OTUD7A: variants seen among roughly 807,000 people sequenced by gnomAD.
OTUD7A encodes OTU deubiquitinase 7A.
Under a neutral mutation model 65.7 loss-of-function variants are expected in OTUD7A, and 12 were observed. The observed-to-expected ratio is 0.18, with a 90% CI of 0.12 to 0.30. The LOEUF (loss-of-function observed/expected upper bound fraction) is 0.30. Among genes scored for constraint, OTUD7A ranks in the 10% least tolerant of loss-of-function variants. The probability of loss-of-function intolerance (pLI) is 1.00; values close to 1 mark genes in which losing one functional copy is unlikely to be tolerated. For synonymous variants in OTUD7A, 641 were observed against 586.3 expected (o/e 1.09, Z -1.35); for missense variants, 1,148 against 1,304.8 (o/e 0.88, Z 1.85).
At chr15:31,644,243 A>C (rs1157669718) in intron 3 of OTUD7A, among the ~76,000 whole-genome samples, 1 of 152,134 alleles carries the variant, frequency 6.6e-6, no homozygotes, top group Non-Finnish European at 1.5e-5. Context: ...CTTGCATTTC[A>C]CTGCTGAATG....
At chr15:31,844,678 C>T (rs1353414631) in intron 1 of OTUD7A, among the ~76,000 whole-genome samples, 2 of 152,148 alleles carry the variant, frequency 1.3e-5, no homozygotes, top group Admixed American at 1.3e-4. Flanking sequence ...ACGTGTCCCT[C>T]AAAAGGTGGA....
At chr15:31,579,892 T>C (rs1255779329) in intron 3 of OTUD7A, among the ~76,000 whole-genome samples, 1 of 152,232 alleles carries the variant, frequency 6.6e-6, no homozygotes, top group Admixed American at 6.5e-5. Context: ...GTGTTTTCCA[T>C]TACTTGGAGC....
In OTUD7A at chr15:31,537,003, C is replaced by T. The variant is rs2141130312; in HGVS notation, c.551-6195G>A. Among the ~76,000 whole-genome samples the T allele has an allele frequency of 2.0e-5, 3 of 152,230 alleles. No homozygotes were observed. In the Middle Eastern group the frequency reaches 0.01, roughly 518 times the overall value. ...TGACTCAATCACTACACATTATATA[C>T]ATGTAACGAAATTTCAGATATACCC... On this transcript the variant is annotated intron_variant, in intron 5 of 12. Coordinates refer to ENST00000307050, the MANE Select transcript of OTUD7A (RefSeq NM_001382637.1).
intron 1 of OTUD7A, among the ~76,000 whole-genome samples, chr15:31,829,535 C>T (rs1374028625): frequency 3.3e-5 from 5 of 152,202 alleles, no homozygotes; most frequent in South Asian, 2.1e-4. Context: ...ATAAAGATGT[C>T]AAACATTCCC....
chr15:31,714,225 G>C (rs1386657579), intron 1 of OTUD7A, among the ~76,000 whole-genome samples: 3 of 152,022 alleles, frequency 2.0e-5, no homozygotes, highest in Admixed American at 2.0e-4. Context: ...ATAACCAATG[G>C]ATCCACTGGA....
chr15:31,699,947 T>G (rs1455218223), intron 1 of OTUD7A, among the ~76,000 whole-genome samples: 1 of 151,842 alleles, frequency 6.6e-6, no homozygotes, highest in African/African-American at 2.4e-5. Flanking sequence ...TCACAATAAT[T>G]GCTGTCCACT....
At chr15:31,828,645 A>G (rs2062769) in intron 1 of OTUD7A, among the ~76,000 whole-genome samples, 142,463 of 152,210 alleles carry the variant, frequency 0.94, 67,390 homozygotes, top group East Asian at 1. Context: ...AACGGGTGAA[A>G]TAAGGTGAGA....
chr15:31,704,607 TTTAA>T (rs1317759158), intron 1 of OTUD7A, among the ~76,000 whole-genome samples: 8 of 151,422 alleles, frequency 5.3e-5, no homozygotes, highest in Middle Eastern at 3.4e-3. Context: ...ACAGAGCTAC[TTTAA>T]TTAAAGATAT....
chr15:31,661,742 C>T (rs1892170796), intron 1 of OTUD7A, among the ~76,000 whole-genome samples: 4 of 152,170 alleles, frequency 2.6e-5, no homozygotes, highest in Admixed American at 1.3e-4. Context: ...TTCTTCAGTG[C>T]AATATCCAGT....
intron 1 of OTUD7A, among the ~76,000 whole-genome samples, chr15:31,776,815 G>C (rs1223758857): frequency 2.6e-5 from 4 of 152,072 alleles, no homozygotes; most frequent in Non-Finnish European, 4.4e-5. Context: ...AAGTGAAATT[G>C]GGCTTTAAAC....
intron 3 of OTUD7A, among the ~76,000 whole-genome samples, chr15:31,604,456 C>A (rs1222233200): frequency 6.6e-6 from 1 of 151,896 alleles, no homozygotes; most frequent in Non-Finnish European, 1.5e-5. Flanking sequence ...GGGTGGGGGG[C>A]CAAGGGAGGG....
chr15:31,674,268 C>T lies in OTUD7A; in HGVS notation c.-99-17191G>A, dbSNP rs546896561. Among the ~76,000 whole-genome samples the T allele has an allele frequency of 2.0e-5, 3 of 152,202 alleles. No homozygotes were observed. In the South Asian group the frequency reaches 6.2e-4, roughly 32 times the overall value. The stretch of plus-strand genomic sequence containing the variant: ...CCAGTGTGTCCAGGAGAGCCGGTGG[C>T]CAAGAGGCTGGGGATGAAGGTGAGG... On this transcript the variant is annotated intron_variant, in intron 1 of 12. Coordinates refer to ENST00000307050, the MANE Select transcript of OTUD7A (RefSeq NM_001382637.1).
intron 1 of OTUD7A, among the ~76,000 whole-genome samples, chr15:31,667,130 A>AT (rs980864008): frequency 7.2e-5 from 11 of 152,196 alleles, no homozygotes; most frequent in Non-Finnish European, 1.3e-4. Flanking sequence ...TGTTCTGTAC[A>AT]TATCTGTTAA....
intron 1 of OTUD7A, among the ~76,000 whole-genome samples, chr15:31,794,792 G>A (rs1895910619): frequency 6.6e-6 from 1 of 152,168 alleles, no homozygotes; most frequent in Non-Finnish European, 1.5e-5. Flanking sequence ...TAAGAAGAGA[G>A]CCAATCTTAA....
intron 5 of OTUD7A, among the ~76,000 whole-genome samples, chr15:31,547,197 T>G (rs776535307): frequency 8.2e-6 from 1 of 122,384 alleles, no homozygotes; most frequent in Non-Finnish European, 2.0e-5. Flanking sequence ...AACCCCAATT[T>G]GCAAATATTT....
rs1351844375 is a variant in OTUD7A, at chr15:31,768,194, C to G, written c.-100+102313G>C. On this transcript the variant is annotated intron_variant, in intron 1 of 12. Transcript: ENST00000307050. Reference sequence around the variant, plus strand: ...ATAAGGCCCGGGAGGCACAACCCGACTCTCCACAGGTCTGTCAGCGTCCGG... The same window carrying G: ...ATAAGGCCCGGGAGGCACAACCCGAGTCTCCACAGGTCTGTCAGCGTCCGG... 2.5e-6 allele frequency: 3 copies of G among 1,213,484 alleles called. No individual in the cohort carries two copies. In the East Asian group the frequency reaches 7.0e-5, roughly 28 times the overall value. The allele number at this position is 1,213,484 out of a possible 1,614,324, so 75.2% of individuals were successfully genotyped here.
At chr15:31,568,754 T>G (rs1417648352) in intron 4 of OTUD7A, among the ~76,000 whole-genome samples, 1 of 152,226 alleles carries the variant, frequency 6.6e-6, no homozygotes, top group Non-Finnish European at 1.5e-5. Context: ...TGGTGATAAG[T>G]GAGCTCTCAT....
chr15:31,618,930 C>T (rs1045031505), intron 3 of OTUD7A, among the ~76,000 whole-genome samples: 4 of 152,238 alleles, frequency 2.6e-5, no homozygotes, highest in South Asian at 4.1e-4. Flanking sequence ...AGTCTTTAAT[C>T]CATCTTGAAT....
intron 1 of OTUD7A, among the ~76,000 whole-genome samples, chr15:31,700,715 AAT>A (rs1243559714): frequency 6.6e-6 from 1 of 151,536 alleles, no homozygotes; most frequent in African/African-American, 2.4e-5. Context: ...GTGGTGTAAG[AAT>A]ATGTCTTGAG....
Sources: allele counts gnomAD v4.1 joint callset (sites outside exome capture counted in the v4.1 genomes callset), GRCh38; gene constraint gnomAD v4.1.1; transcripts MANE v1.5; gene names NCBI Gene and HGNC (gene_info 2026-07-23, HGNC 2026-07-21).